TBC1D4: variants seen among roughly 807,000 people sequenced by gnomAD.
The protein encoded by TBC1D4 is TBC (Tre-2, BUB2, CDC16) domain-containing protein.
In TBC1D4, 121 loss-of-function variants were observed where a neutral mutation model predicts 142.5. The observed-to-expected ratio is 0.85, with a 90% CI of 0.73 to 0.99. The LOEUF (loss-of-function observed/expected upper bound fraction) is 0.99. Ranked by LOEUF, TBC1D4 falls within the 50% of genes least tolerant of loss-of-function variation. TBC1D4 has a pLI of 0.00. For missense variants in TBC1D4, 1,475 were observed against 1,606.6 expected, an observed-to-expected ratio of 0.92 and a Z score of 1.40; for synonymous variants, 630 against 628.2, an observed-to-expected ratio of 1.00 and a Z score of -0.04.
intron 1 of TBC1D4, among the ~76,000 whole-genome samples, chr13:75,374,921 C>A (rs1284809621): frequency 1.3e-5 from 2 of 152,200 alleles, no homozygotes; most frequent in African/African-American, 2.4e-5. Flanking sequence ...TGCTGCCAAT[C>A]CTTGCACCCT....
intron 1 of TBC1D4, among the ~76,000 whole-genome samples, chr13:75,425,911 A>G (rs2138139505): frequency 6.6e-6 from 1 of 152,308 alleles, no homozygotes; most frequent in South Asian, 2.1e-4. Flanking sequence ...ACCATAGTTA[A>G]TAATAACAAT....
intron 4 of TBC1D4, among the ~76,000 whole-genome samples, chr13:75,353,900 T>A (rs1214679579): frequency 6.6e-6 from 1 of 152,160 alleles, no homozygotes; most frequent in Non-Finnish European, 1.5e-5. Flanking sequence ...TCCTCTCACA[T>A]GGCACACTCC....
At chr13:75,413,712 C>T (rs527435031) in intron 1 of TBC1D4, among the ~76,000 whole-genome samples, 2 of 152,216 alleles carry the variant, frequency 1.3e-5, no homozygotes, top group African/African-American at 2.4e-5. Context: ...CTAAGCATCA[C>T]GGCGGGAAAC....
chr13:75,409,484 C>A (rs915769451), intron 1 of TBC1D4, among the ~76,000 whole-genome samples: 3 of 152,168 alleles, frequency 2.0e-5, no homozygotes, highest in Admixed American at 2.0e-4. Context: ...CATTCCTTCC[C>A]AATGTAGATT....
intron 5 of TBC1D4, among the ~76,000 whole-genome samples, chr13:75,346,040 T>C (rs893779228): frequency 2.6e-5 from 4 of 152,226 alleles, no homozygotes; most frequent in Non-Finnish European, 5.9e-5. Context: ...TTACAGTGTA[T>C]GGTTTGAAAA....
chr13:75,472,214 A>G (rs1888439742), intron 1 of TBC1D4, among the ~76,000 whole-genome samples: 1 of 151,880 alleles, frequency 6.6e-6, no homozygotes, highest in Non-Finnish European at 1.5e-5. Context: ...CATGAGGTCA[A>G]GAGAGAACAG....
intron 1 of TBC1D4, among the ~76,000 whole-genome samples, chr13:75,449,388 C>T (rs1887434185): frequency 6.6e-6 from 1 of 151,732 alleles, no homozygotes; most frequent in Non-Finnish European, 1.5e-5. Context: ...TTAACAATAA[C>T]AACTAATGAT....
chr13:75,393,940 A>AAC (rs1884633524), intron 1 of TBC1D4, among the ~76,000 whole-genome samples: 1 of 151,554 alleles, frequency 6.6e-6, no homozygotes, highest in Non-Finnish European at 1.5e-5. Context: ...AAAAAAAAAA[A>AAC]CAAAAAAACA....
Position 75,336,965 on chromosome 13 carries a change from C to T in TBC1D4, c.1687G>A (p.Ala563Thr), listed in dbSNP as rs1880277241. ...RFKLDILKNK[A>T]KRSLTSSLEN... ...AGGGAGCTAGTTAAGGATCTCTTAG[C>T]TTTATTTTTCAGAATGTCAAGTTTG... The change falls in exon 8 of 21, where the codon GCT becomes ACT. Residue 563 changes from alanine to threonine, a missense_variant. By Grantham distance (58) the Ala-to-Thr change is moderately conservative. Transcript: ENST00000377636. The T allele has an allele frequency of 6.2e-7, 1 of 1,613,538 alleles. No homozygotes were observed. Among genetic ancestry groups the T allele is most frequent in the African/African-American group, 1.3e-5 (1 of 74,972 alleles).
At chr13:75,465,622 C>T (rs758583186) in intron 1 of TBC1D4, among the ~76,000 whole-genome samples, 5 of 152,148 alleles carry the variant, frequency 3.3e-5, no homozygotes, top group Non-Finnish European at 5.9e-5. Flanking sequence ...ATGGACCCTC[C>T]TCTCAGCAAA....
intron 1 of TBC1D4, among the ~76,000 whole-genome samples, chr13:75,412,878 G>A (rs1885738445): frequency 6.6e-6 from 1 of 152,206 alleles, no homozygotes; most frequent in Non-Finnish European, 1.5e-5. Flanking sequence ...TAATTCTCCA[G>A]TAAGAGACAT....
At chr13:75,365,889 C>T (rs1054132815) in intron 1 of TBC1D4, among the ~76,000 whole-genome samples, 1 of 152,138 alleles carries the variant, frequency 6.6e-6, no homozygotes, top group Non-Finnish European at 1.5e-5. Context: ...ACCTAGAACT[C>T]TGATATAAAT....
chr13:75,463,437 T>C (rs1004802419), intron 1 of TBC1D4, among the ~76,000 whole-genome samples: 2 of 152,198 alleles, frequency 1.3e-5, no homozygotes, highest in African/African-American at 2.4e-5. Context: ...CAATGGCCCA[T>C]TTTTAAACAG....
intron 1 of TBC1D4, among the ~76,000 whole-genome samples, chr13:75,473,621 A>G (rs1888507859): frequency 6.6e-6 from 1 of 152,222 alleles, no homozygotes; most frequent in African/African-American, 2.4e-5. Context: ...GTAGGCTCCT[A>G]TTTTTAGCCA....
intron 5 of TBC1D4, among the ~76,000 whole-genome samples, chr13:75,343,000 C>A (rs1880837527): frequency 6.6e-6 from 1 of 151,956 alleles, no homozygotes; most frequent in Non-Finnish European, 1.5e-5. Context: ...TATTTATTTA[C>A]AAAGAATAAG....
At chr13:75,329,949 CACA>C (rs994653962) in intron 8 of TBC1D4, among the ~76,000 whole-genome samples, 3 of 152,212 alleles carry the variant, frequency 2.0e-5, no homozygotes, top group Admixed American at 1.3e-4. Context: ...TGTGAAATTT[CACA>C]ACGACGTGCC....
At chr13:75,306,621 T>C (rs1877216038) in intron 14 of TBC1D4, 150 bp from the exon 15 acceptor site, 7 of 893,596 alleles carry the variant, frequency 7.8e-6, no homozygotes, top group South Asian at 1.7e-5. Context: ...AAATTGAGGA[T>C]ACATGAAAGG....
rs748992763 is a variant in TBC1D4, at chr13:75,306,486, A to G, written c.2594-15T>C. The stretch of plus-strand genomic sequence containing the variant: ...ATCTCTGCTTGCTAAGGAAAAAAAC[A>G]ATTTACGTAAGACCAATGTGTTTTT... On this transcript the variant is annotated splice_polypyrimidine_tract_variant and intron_variant, in intron 14 of 20. Transcript: ENST00000377636. The G allele has an allele frequency of 1.2e-6, 2 of 1,612,348 alleles. No individual in the cohort carries two copies. Among genetic ancestry groups the G allele is most frequent in the Non-Finnish European group, 1.7e-6 (2 of 1,179,700 alleles).
intron 1 of TBC1D4, among the ~76,000 whole-genome samples, chr13:75,466,003 C>T (rs1359267299): frequency 2.6e-5 from 4 of 152,282 alleles, no homozygotes; most frequent in East Asian, 3.9e-4. Context: ...TCACCTGTAT[C>T]GACTGATGTC....
Sources: gnomAD v4.1 joint callset for allele counts (sites outside exome capture counted in the v4.1 genomes callset) on GRCh38, gnomAD v4.1.1 for gene constraint, MANE v1.5 for transcripts, NCBI Gene and HGNC (gene_info 2026-07-23, HGNC 2026-07-21) for gene names.